PRDM11: variants seen among roughly 807,000 people sequenced by gnomAD.
PRDM11 encodes the protein PR domain-containing protein 11.
Under a neutral mutation model 97.8 loss-of-function variants are expected in PRDM11, and 20 were observed. The observed-to-expected ratio is 0.20, with a 90% CI of 0.14 to 0.30. PRDM11 has a LOEUF of 0.30. Ranked by LOEUF, PRDM11 falls within the 10% of genes least tolerant of loss-of-function variation. PRDM11 has a pLI of 1.00. For missense variants in PRDM11, 1,139 were observed against 1,555.2 expected (o/e 0.73, Z 4.50); for synonymous variants, 599 against 637.7 (o/e 0.94, Z 0.91).
chr11:45,212,540 G>A (rs1390480695), intron 5 of PRDM11: 1 of 455,658 alleles, frequency 2.2e-6, no homozygotes, highest in Non-Finnish European at 4.4e-6. Flanking sequence ...GTCTCCGGAG[G>A]AAGAGGCCCA....
chr11:45,160,088 TAG>T (rs1851894572), intron 1 of PRDM11, among the ~76,000 whole-genome samples: 2 of 152,322 alleles, frequency 1.3e-5, no homozygotes, highest in Non-Finnish European at 1.5e-5. Context: ...TTGATGCGAG[TAG>T]AGAGAGTAAA....
intron 3 of PRDM11, among the ~76,000 whole-genome samples, chr11:45,182,657 A>T (rs1852552376): frequency 6.6e-6 from 1 of 152,168 alleles, no homozygotes; most frequent in South Asian, 2.1e-4. Context: ...AAAACTTGAG[A>T]CAAAGGTAGC....
chr11:45,114,374 A>G (rs1226583406), intron 1 of PRDM11, among the ~76,000 whole-genome samples: 1 of 152,220 alleles, frequency 6.6e-6, no homozygotes, highest in African/African-American at 2.4e-5. Flanking sequence ...TTGAAGCTTG[A>G]TAAATAGAAA....
At chr11:45,107,830 A>AT (rs113892533) in intron 1 of PRDM11, among the ~76,000 whole-genome samples, 26,713 of 143,144 alleles carry the variant, frequency 0.19, 2,661 homozygotes, top group Middle Eastern at 0.3. Context: ...TGTGGGTTGG[A>AT]TTTTTTTTTT....
intron 1 of PRDM11, among the ~76,000 whole-genome samples, chr11:45,128,174 G>T (rs578057068): frequency 2.9e-4 from 44 of 152,350 alleles, no homozygotes; most frequent in Non-Finnish European, 4.7e-4. Context: ...ATCTCCTGGT[G>T]TGCCGTTTTT....
chr11:45,151,739 T>G (rs4755953), intron 1 of PRDM11, among the ~76,000 whole-genome samples: 2 of 152,120 alleles, frequency 1.3e-5, no homozygotes, highest in Non-Finnish European at 2.9e-5. Flanking sequence ...GGCCTTTAGG[T>G]TGGCCTTTGG....
intron 1 of PRDM11, among the ~76,000 whole-genome samples, chr11:45,171,476 A>G (rs538220390): frequency 6.6e-6 from 1 of 152,240 alleles, no homozygotes; most frequent in South Asian, 2.1e-4. Flanking sequence ...CCCACCAGCA[A>G]TGCTTTGGAG....
At chr11:45,154,080 C>T (rs1851729156) in intron 1 of PRDM11, among the ~76,000 whole-genome samples, 2 of 152,202 alleles carry the variant, frequency 1.3e-5, no homozygotes, top group Admixed American at 1.3e-4. Flanking sequence ...TTGGGCTGGG[C>T]ACAGTGGCTC....
At chr11:45,117,920 A>G (rs1206679370) in intron 1 of PRDM11, among the ~76,000 whole-genome samples, 1 of 152,230 alleles carries the variant, frequency 6.6e-6, no homozygotes, top group Non-Finnish European at 1.5e-5. Flanking sequence ...TAAGGCCAAC[A>G]TTAACAGTTA....
At chr11:45,192,302 A>G (rs547088636) in intron 4 of PRDM11, among the ~76,000 whole-genome samples, 1 of 152,310 alleles carries the variant, frequency 6.6e-6, no homozygotes, top group East Asian at 1.9e-4. Flanking sequence ...GTGTTCTCAG[A>G]TGCAATGGAT....
chr11:45,231,397 A>G lies in PRDM11; in HGVS notation c.*3238A>G, dbSNP rs1302957997. On this transcript the variant is annotated 3_prime_UTR_variant, in exon 8 of 8. Transcript: ENST00000683152. ...CTAACCTAATCTCCCCTTGATGTGT[A>G]TACAGAACTGTGGAAAAGCAGTTGG... 1.3e-5 allele frequency: 2 copies of G among 152,202 alleles called. No individual in the cohort carries two copies. The highest frequency in any genetic ancestry group is 2.9e-5 in the Non-Finnish European group (2 of 68,068). 9.4% of individuals were successfully genotyped at this position (152,202 alleles called of 1,614,324 possible). A position where few individuals can be genotyped will look rare whatever the true frequency, so the allele number is the denominator to read the frequency against.
intron 1 of PRDM11, among the ~76,000 whole-genome samples, chr11:45,165,941 T>G (rs1358798446): frequency 6.6e-6 from 1 of 152,002 alleles, no homozygotes; most frequent in East Asian, 1.9e-4. Context: ...GAGAAAAGAG[T>G]GTGGGCTTTG....
chr11:45,129,811 A>C (rs1192535058), intron 1 of PRDM11, among the ~76,000 whole-genome samples: 1 of 152,316 alleles, frequency 6.6e-6, no homozygotes, highest in Non-Finnish European at 1.5e-5. Flanking sequence ...TGCAAAAAAA[A>C]CCCAGAATAG....
intron 1 of PRDM11, among the ~76,000 whole-genome samples, chr11:45,099,463 A>AG (rs1443248991): frequency 1.3e-5 from 2 of 150,526 alleles, no homozygotes; most frequent in African/African-American, 4.9e-5. Flanking sequence ...AAAAAAAAAA[A>AG]AAAAAAAAAA....
intron 4 of PRDM11, 101 bp from the exon 5 acceptor site, chr11:45,204,610 G>A: frequency 9.5e-7 from 1 of 1,050,516 alleles, no homozygotes; most frequent in Non-Finnish European, 1.5e-6. Flanking sequence ...GAGGGGGAGG[G>A]AGCAGGTGGG....
chr11:45,178,829 G>A (rs1852395987), intron 1 of PRDM11, among the ~76,000 whole-genome samples: 1 of 152,196 alleles, frequency 6.6e-6, no homozygotes, highest in Non-Finnish European at 1.5e-5. Context: ...CTTGGCCCTG[G>A]TGCCAGGCAC....
chr11:45,207,520 G>C (rs1275775806), intron 5 of PRDM11, among the ~76,000 whole-genome samples: 1 of 152,272 alleles, frequency 6.6e-6, no homozygotes, highest in African/African-American at 2.4e-5. Flanking sequence ...GCATTACACA[G>C]GACACCCCTT....
At chr11:45,097,686 T>C (rs1019638733) in intron 1 of PRDM11, among the ~76,000 whole-genome samples, 1 of 152,256 alleles carries the variant, frequency 6.6e-6, no homozygotes, top group Non-Finnish European at 1.5e-5. Context: ...ACGGAGCTAT[T>C]GGGACACATC....
intron 1 of PRDM11, among the ~76,000 whole-genome samples, chr11:45,117,093 G>A (rs989808520): frequency 1.3e-5 from 2 of 151,952 alleles, no homozygotes; most frequent in Non-Finnish European, 2.9e-5. Flanking sequence ...GTGTGGTGGT[G>A]TGCGTCTATA....
Sources: gnomAD v4.1 joint callset for allele counts (sites outside exome capture counted in the v4.1 genomes callset) on GRCh38, gnomAD v4.1.1 for gene constraint, MANE v1.5 for transcripts, NCBI Gene and HGNC (gene_info 2026-07-23, HGNC 2026-07-21) for gene names.